FBXL18: variants seen among roughly 807,000 people sequenced by gnomAD.
FBXL18 encodes the protein F-box/LRR-repeat protein 18.
Under a neutral mutation model 46.0 loss-of-function variants are expected in FBXL18, and 36 were observed. That is an observed-to-expected ratio of 0.78 (90% CI 0.60 to 1.03). The LOEUF (loss-of-function observed/expected upper bound fraction) is 1.03, where lower values mean the gene tolerates loss of function less well. Among genes scored for constraint, FBXL18 ranks in the 50% least tolerant of loss-of-function variants. The pLI is 0.00. For missense variants in FBXL18, 977 were observed against 1,004.1 expected (o/e 0.97, Z 0.36); for synonymous variants, 557 against 465.3 (o/e 1.20, Z -2.54).
chr7:5,488,061 C>G (rs1229320645), intron 4 of FBXL18, among the ~76,000 whole-genome samples: 1 of 152,262 alleles, frequency 6.6e-6, no homozygotes, highest in Non-Finnish European at 1.5e-5. Flanking sequence ...TGCCTGAGGA[C>G]ACAAAACACC....
chr7:5,470,289 G>A (rs921763304), intron 4 of FBXL18, among the ~76,000 whole-genome samples: 3 of 152,122 alleles, frequency 2.0e-5, no homozygotes, highest in Admixed American at 1.3e-4. Context: ...GGGACACAGC[G>A]CCACCCTCAG....
In FBXL18 at chr7:5,481,706, G is replaced by T; in HGVS notation, c.*69C>A. ...CCCCTTCCTCTTGTGACAAACCAAG[G>T]GTCCCTGGCGTCCCAGGCTCCTGCA... On this transcript the variant is annotated 3_prime_UTR_variant, in exon 5 of 5. Transcript: ENST00000382368. The T allele has an allele frequency of 1.3e-6, 2 of 1,552,024 alleles. No individual in the cohort carries two copies. The highest frequency in any genetic ancestry group is 2.2e-5 in the East Asian group (1 of 44,576).
chr7:5,507,404 GAACA>G (rs998882729), intron 1 of FBXL18, among the ~76,000 whole-genome samples: 1 of 152,014 alleles, frequency 6.6e-6, no homozygotes, highest in Non-Finnish European at 1.5e-5. Flanking sequence ...TCTTCCCTGG[GAACA>G]AAGAAGTACC....
rs1379670581 is a variant in FBXL18, at chr7:5,477,288, C to G, written c.*4487G>C. On this transcript the variant is annotated 3_prime_UTR_variant, in exon 5 of 5. Coordinates refer to ENST00000382368, the MANE Select transcript of FBXL18 (RefSeq NM_024963.6). The surrounding 1 kb of genome is among the most constrained non-coding windows in gnomAD (Gnocchi z 4.4). The stretch of plus-strand genomic sequence containing the variant: ...GCGTCGTGGTCAAGGCTACCAGGAA[C>G]TGGCAGCAGCGCTCTGCCCACGTCC... Among the ~76,000 whole-genome samples the G allele has an allele frequency of 2.0e-5, 3 of 152,198 alleles. No individual in the cohort carries two copies. Among genetic ancestry groups the G allele is most frequent in the Non-Finnish European group, 2.9e-5 (2 of 68,042 alleles).
At chr7:5,485,627 G>A (rs1202799883) in intron 4 of FBXL18, among the ~76,000 whole-genome samples, 2 of 152,056 alleles carry the variant, frequency 1.3e-5, no homozygotes, top group African/African-American at 2.4e-5. Context: ...CACCCCGGGG[G>A]CTAGGCATGG....
chr7:5,460,850 C>T (rs995774957), intron 4 of FBXL18, among the ~76,000 whole-genome samples: 8 of 152,224 alleles, frequency 5.3e-5, no homozygotes, highest in Admixed American at 1.3e-4. Flanking sequence ...TCTGCAGCCC[C>T]GAAACATTTG....
At chr7:5,486,290 A>C (rs1315423226) in intron 4 of FBXL18, among the ~76,000 whole-genome samples, 1 of 143,686 alleles carries the variant, frequency 7.0e-6, no homozygotes. Context: ...GTGGTGGCAC[A>C]TGCCTCTAAT....
At chr7:5,461,582 G>A (rs1442708662) in intron 4 of FBXL18, among the ~76,000 whole-genome samples, 1 of 152,130 alleles carries the variant, frequency 6.6e-6, no homozygotes, top group African/African-American at 2.4e-5. Flanking sequence ...GGTCAAGGCT[G>A]CAGTGAGTTA....
intron 4 of FBXL18, among the ~76,000 whole-genome samples, chr7:5,482,423 G>A (rs60928789): frequency 0.011 from 1,719 of 152,290 alleles, 50 homozygotes; most frequent in African/African-American, 0.04. Context: ...CAGTCGCTGG[G>A]AGGAGCAGAT....
At chr7:5,459,685 A>G (rs1319130958) in intron 4 of FBXL18, among the ~76,000 whole-genome samples, 1 of 151,260 alleles carries the variant, frequency 6.6e-6, no homozygotes, top group East Asian at 1.9e-4. Flanking sequence ...GCTTGCAGTG[A>G]GCAGAGATTG....
Position 5,481,540 on chromosome 7 carries a change from A to C in FBXL18, c.*235T>G. 7.0e-6 allele frequency: 3 copies of C among 430,822 alleles called. No individual in the cohort carries two copies. Among genetic ancestry groups the C allele is most frequent in the South Asian group, 2.4e-5 (1 of 41,886 alleles). 26.7% of individuals were successfully genotyped at this position (430,822 alleles called of 1,614,324 possible). A position where few individuals can be genotyped will look rare whatever the true frequency, so the allele number is the denominator to read the frequency against. ...CTGGTTCAGCCAGCCCCCCACATCG[A>C]CCGTCCCCCGAGCCCCCTCATGTCA... On this transcript the variant is annotated 3_prime_UTR_variant, in exon 5 of 5. Transcript: ENST00000382368.
At chr7:5,469,864 CTGAGTG>C (rs1009003006) in intron 4 of FBXL18, among the ~76,000 whole-genome samples, 1 of 149,760 alleles carries the variant, frequency 6.7e-6, no homozygotes, top group African/African-American at 2.5e-5. Context: ...GTTTATGAGC[CTGAGTG>C]TGAGTGTGCA....
chr7:5,513,167 G>A (rs187691425), intron 1 of FBXL18, among the ~76,000 whole-genome samples: 3 of 152,210 alleles, frequency 2.0e-5, no homozygotes, highest in East Asian at 3.9e-4. Context: ...AGGGTACGTC[G>A]TAAGTCCCTC....
chr7:5,500,609 C>T lies in FBXL18; in HGVS notation c.1660G>A (p.Gly554Ser). ...VLTGSGLVNI[G>S]LQCQQLRSLS... ...GACCGCAACTGCTGGCACTGCAGGCCGATATTGACCAGCCCGGAGCCCGTA... is the reference window on the plus strand; with the variant it reads ...GACCGCAACTGCTGGCACTGCAGGCTGATATTGACCAGCCCGGAGCCCGTA... Residue 554 changes from glycine to serine, a missense_variant, in exon 3 of 5, where the codon GGC becomes AGC. Gly to Ser is a moderately conservative substitution (Grantham distance 56). Transcript: ENST00000382368. 6.2e-7 allele frequency: 1 copy of T among 1,613,314 alleles called. No homozygotes were observed. Among genetic ancestry groups the T allele is most frequent in the Non-Finnish European group, 8.5e-7 (1 of 1,179,880 alleles).
chr7:5,505,655 C>G, intron 1 of FBXL18, 25 bp from the exon 2 acceptor site: 1 of 1,595,686 alleles, frequency 6.3e-7, no homozygotes, highest in South Asian at 1.1e-5. Context: ...GACACCATTC[C>G]CACAGGATCC....
chr7:5,458,204 G>A (rs1253321458), intron 4 of FBXL18, among the ~76,000 whole-genome samples: 5 of 152,016 alleles, frequency 3.3e-5, no homozygotes, highest in Non-Finnish European at 4.4e-5. Flanking sequence ...ACACAGCAGC[G>A]AACGGGCAGG....
rs1370625588 is a variant in FBXL18, at chr7:5,496,110, G to A, written c.1781+4378C>T. Reference sequence around the variant, plus strand: ...GGGACCATGAAATCACGCTGACCTCGGGAGGCCGGAGACAAGCAGCCATGT... The same window carrying A: ...GGGACCATGAAATCACGCTGACCTCAGGAGGCCGGAGACAAGCAGCCATGT... On this transcript the variant is annotated intron_variant, in intron 3 of 4. Transcript: ENST00000382368. This position sits in a 1 kb window ranked among gnomAD's most constrained non-coding sequence, Gnocchi z 4.8. Among the ~76,000 whole-genome samples, 3 of 152,184 alleles carry A rather than the reference G, an allele frequency of 2.0e-5. No homozygotes were observed. Among genetic ancestry groups the A allele is most frequent in the African/African-American group, 7.2e-5 (3 of 41,458 alleles).
chr7:5,499,820 GAGGCCGAGATGGAGGATCACTTA>G (rs1784184338), intron 3 of FBXL18, among the ~76,000 whole-genome samples: 2 of 151,866 alleles, frequency 1.3e-5, no homozygotes, highest in African/African-American at 4.8e-5. Context: ...AGCACTTTGG[GAGGCCGAGATGGAGGATCACTTA>G]AGCCCAGGAG....
chr7:5,511,767 C>CA (rs111884772), intron 1 of FBXL18, among the ~76,000 whole-genome samples: 250 of 128,734 alleles, frequency 1.9e-3, no homozygotes, highest in Middle Eastern at 4.1e-3. Context: ...GACTCCATCT[C>CA]AAAAAAAAAA....
Sources: allele counts gnomAD v4.1 joint callset (sites outside exome capture counted in the v4.1 genomes callset), GRCh38; gene constraint gnomAD v4.1.1; non-coding constraint Gnocchi (gnomAD v3.1); transcripts MANE v1.5; gene names NCBI Gene and HGNC (gene_info 2026-07-23, HGNC 2026-07-21).